CNTNAP2: variants seen among roughly 807,000 people sequenced by gnomAD.
CNTNAP2 encodes the protein contactin-associated protein-like 2.
A neutral mutation model predicts 155.2 loss-of-function variants in CNTNAP2; 98 were observed. That is an observed-to-expected ratio of 0.63 (90% CI 0.54 to 0.75). CNTNAP2 has a LOEUF of 0.75. Ranked by LOEUF, CNTNAP2 falls within the 30% of genes least tolerant of loss-of-function variation. CNTNAP2 has a pLI of 0.00. For synonymous variants in CNTNAP2, 651 were observed against 631.2 expected (o/e 1.03, Z -0.47); for missense variants, 1,727 against 1,688.1 (o/e 1.02, Z -0.40).
At chr7:147,441,981 G>A (rs952228842) in intron 10 of CNTNAP2, among the ~76,000 whole-genome samples, 8 of 151,744 alleles carry the variant, frequency 5.3e-5, no homozygotes, top group African/African-American at 1.9e-4. Context: ...ACAGCACTGG[G>A]TCCTACGCAG....
At chr7:146,618,985 G>A (rs918675307) in intron 1 of CNTNAP2, among the ~76,000 whole-genome samples, 13 of 151,588 alleles carry the variant, frequency 8.6e-5, no homozygotes, top group African/African-American at 2.9e-4. Flanking sequence ...TAGGAGAATC[G>A]CTTGAACCCA....
chr7:147,987,975 A>C (rs1027202107), intron 15 of CNTNAP2, among the ~76,000 whole-genome samples: 1 of 152,148 alleles, frequency 6.6e-6, no homozygotes, highest in Non-Finnish European at 1.5e-5. Flanking sequence ...GATTACATGC[A>C]TGAGCCACCA....
At chr7:147,459,683 T>C (rs1442533519) in intron 10 of CNTNAP2, among the ~76,000 whole-genome samples, 2 of 152,070 alleles carry the variant, frequency 1.3e-5, no homozygotes, top group African/African-American at 4.8e-5. Flanking sequence ...CCTTTCGAGG[T>C]TGGAAAGGCA....
chr7:148,261,509 C>A (rs1796561653), intron 20 of CNTNAP2, among the ~76,000 whole-genome samples: 1 of 152,194 alleles, frequency 6.6e-6, no homozygotes, highest in South Asian at 2.1e-4. Flanking sequence ...CCATCTCAAG[C>A]CAGCATATCT....
intron 2 of CNTNAP2, among the ~76,000 whole-genome samples, chr7:146,794,993 C>T (rs1027629501): frequency 6.6e-6 from 1 of 152,132 alleles, no homozygotes; most frequent in Non-Finnish European, 1.5e-5. Context: ...ATGCTATAGA[C>T]AGAGTAGTCA....
intron 10 of CNTNAP2, among the ~76,000 whole-genome samples, chr7:147,396,149 AAT>A (rs1208128119): frequency 1.4e-5 from 2 of 140,214 alleles, no homozygotes; most frequent in Non-Finnish European, 3.0e-5. Context: ...ATATATGATA[AAT>A]ATATATGAGA....
At chr7:148,247,619 C>CTATTTA (rs558843044) in intron 20 of CNTNAP2, among the ~76,000 whole-genome samples, 10 of 142,070 alleles carry the variant, frequency 7.0e-5, no homozygotes, top group East Asian at 6.0e-4. Context: ...CTCTCTCTCT[C>CTATTTA]TCTCTCTATT....
intron 21 of CNTNAP2, among the ~76,000 whole-genome samples, chr7:148,348,358 C>T: frequency 6.6e-6 from 1 of 152,174 alleles, no homozygotes; most frequent in East Asian, 1.9e-4. Flanking sequence ...AAGATAGTTT[C>T]CTGCATTATT....
At chr7:146,515,540 T>C (rs933250604) in intron 1 of CNTNAP2, among the ~76,000 whole-genome samples, 1 of 151,958 alleles carries the variant, frequency 6.6e-6, no homozygotes, top group African/African-American at 2.4e-5. Flanking sequence ...TGAAGGAGAG[T>C]GATGCCAAAT....
At chr7:147,430,441 G>A (rs569409586) in intron 10 of CNTNAP2, among the ~76,000 whole-genome samples, 55 of 152,224 alleles carry the variant, frequency 3.6e-4, no homozygotes, top group Admixed American at 3.1e-3. Flanking sequence ...ATTCTAAGAG[G>A]TTATTCAAAA....
chr7:147,807,322 CAAAAAA>C (rs768465391), intron 13 of CNTNAP2, among the ~76,000 whole-genome samples: 3 of 64,776 alleles, frequency 4.6e-5, no homozygotes, highest in African/African-American at 1.2e-4. Flanking sequence ...GTCCTTGACT[CAAAAAA>C]AAAAAAAAAA....
At chr7:146,894,083 T>A (rs1337591428) in intron 3 of CNTNAP2, among the ~76,000 whole-genome samples, 9 of 152,204 alleles carry the variant, frequency 5.9e-5, no homozygotes, top group Non-Finnish European at 1.5e-5. Flanking sequence ...GAGCCACCTG[T>A]TGTCCTTCAC....
At chr7:146,347,808 C>G (rs748668173) in intron 1 of CNTNAP2, among the ~76,000 whole-genome samples, 4 of 152,156 alleles carry the variant, frequency 2.6e-5, no homozygotes, top group Non-Finnish European at 4.4e-5. Context: ...TCAATTGATC[C>G]ACTCTCCTTG....
At chr7:148,096,279 ATGTGTGTGTGTGTGTGTG>A (rs3056207) in intron 15 of CNTNAP2, among the ~76,000 whole-genome samples, 1 of 144,822 alleles carries the variant, frequency 6.9e-6, no homozygotes, top group African/African-American at 2.5e-5. Flanking sequence ...GCATGCATGC[ATGTGTGTGTGTGTGTGTG>A]TGTGTGTGTG....
chr7:146,933,677 G>C (rs766473279), intron 3 of CNTNAP2, among the ~76,000 whole-genome samples: 11 of 148,894 alleles, frequency 7.4e-5, no homozygotes, highest in African/African-American at 1.2e-4. Flanking sequence ...GAAAATTTTC[G>C]CAACCTACTC....
intron 13 of CNTNAP2, among the ~76,000 whole-genome samples, chr7:147,838,463 T>C (rs1798668094): frequency 6.6e-6 from 1 of 152,212 alleles, no homozygotes; most frequent in African/African-American, 2.4e-5. Flanking sequence ...TGATTCTCTT[T>C]TTAAACTGAA....
At position 147,796,990 on chromosome 7, in the gene CNTNAP2, T is replaced by A. The variant is rs190658793; in HGVS notation, c.2099-106575T>A. On this transcript the variant is annotated intron_variant, in intron 13 of 23. Coordinates refer to ENST00000361727, the MANE Select transcript of CNTNAP2 (RefSeq NM_014141.6). ...TTAATGATCAAGATCGTGGAGATAGTTTCAATAATCTAATGGATAAAGAAT... is the reference window on the plus strand; with the variant it reads ...TTAATGATCAAGATCGTGGAGATAGATTCAATAATCTAATGGATAAAGAAT... 2.2e-4 allele frequency among the ~76,000 whole-genome samples: 33 copies of A among 152,306 alleles called. 1 individual carries two copies. The East Asian group carries it at 6.2e-3, about 29-fold the overall frequency.
intron 1 of CNTNAP2, among the ~76,000 whole-genome samples, chr7:146,239,956 C>A (rs1369646387): frequency 6.6e-6 from 1 of 152,082 alleles, no homozygotes; most frequent in Non-Finnish European, 1.5e-5. Context: ...TCTCATGGAT[C>A]TGTCTACATT....
intron 13 of CNTNAP2, chr7:147,671,836 C>G (rs1795792254): frequency 6.6e-6 from 1 of 152,162 alleles, no homozygotes; most frequent in Non-Finnish European, 1.5e-5. Flanking sequence ...TGCATTTAAA[C>G]CAGGATATGG....
Sources: allele counts gnomAD v4.1 joint callset (sites outside exome capture counted in the v4.1 genomes callset), GRCh38; gene constraint gnomAD v4.1.1; transcripts MANE v1.5; gene names NCBI Gene and HGNC (gene_info 2026-07-23, HGNC 2026-07-21).